The following SAMMSON variants were observed in gnomAD, a reference collection of about 807,000 sequenced individuals.
SAMMSON encodes survival associated mitochondrial melanoma specific oncogenic non-coding RNA, also known as long intergenic non-protein coding RNA 1212.
At position 70,408,957 on chromosome 3, in the gene SAMMSON, C is replaced by T. The variant is rs140864268; in HGVS notation, n.233+50633C>T. Among the ~76,000 whole-genome samples the T allele has an allele frequency of 3.7e-3, 562 of 152,276 alleles. 5 individuals are homozygous for T. The highest frequency in any genetic ancestry group is 0.024 in the Admixed American group (366 of 15,290). ...TAGCAGGAGGCAAAAGCACTTCTTA[C>T]ATGGTGGTGGCAAGAGAAAATGAGG... On this transcript the variant is annotated intron_variant and non_coding_transcript_variant, in intron 2 of 3. Coordinates refer to the SAMMSON transcript ENST00000641053.
At chr3:70,079,855 T>C (rs887921478) in intron 4 of SAMMSON, among the ~76,000 whole-genome samples, 1 of 152,148 alleles carries the variant, frequency 6.6e-6, no homozygotes, top group African/African-American at 2.4e-5. Context: ...TAACCATCAG[T>C]GCACCAAGCC....
At chr3:70,024,360 A>G (rs2067028803) in intron 3 of SAMMSON, among the ~76,000 whole-genome samples, 1 of 152,226 alleles carries the variant, frequency 6.6e-6, no homozygotes. Context: ...CATTAGGCAG[A>G]CATATAATTT....
intron 6 of SAMMSON, among the ~76,000 whole-genome samples, chr3:70,287,041 C>G (rs1173491150): frequency 6.8e-6 from 1 of 146,674 alleles, no homozygotes; most frequent in Admixed American, 6.8e-5. Context: ...TAATTGAATA[C>G]CCTTTATTTC....
chr3:70,408,874 A>G lies in SAMMSON; in HGVS notation n.233+50550A>G, dbSNP rs561977601. ...GAAAAAGACATACCTGAGACTAGGAAGAAAAGGTGGTTTAATTGGGCTTAC... is the reference window on the plus strand; with the variant it reads ...GAAAAAGACATACCTGAGACTAGGAGGAAAAGGTGGTTTAATTGGGCTTAC... On this transcript the variant is annotated intron_variant and non_coding_transcript_variant, in intron 2 of 3. Transcript: ENST00000641053. Among the ~76,000 whole-genome samples, 5 of 152,324 alleles carry G rather than the reference A, an allele frequency of 3.3e-5. No individual in the cohort carries two copies. In the East Asian group the frequency reaches 9.6e-4, roughly 29 times the overall value.
intron 6 of SAMMSON, chr3:70,271,749 G>C (rs1230376447): frequency 6.6e-6 from 1 of 152,132 alleles, no homozygotes; most frequent in Non-Finnish European, 1.5e-5. Context: ...AATTGCTATG[G>C]CTCACACTTA....
intron 3 of SAMMSON, among the ~76,000 whole-genome samples, chr3:70,033,924 C>T (rs903696955): frequency 1.3e-4 from 19 of 151,966 alleles, no homozygotes; most frequent in Admixed American, 9.8e-4. Context: ...GAATTGGGCA[C>T]GCAAAATCTG....
chr3:70,171,206 CT>C (rs1233281445), intron 4 of SAMMSON, among the ~76,000 whole-genome samples: 1 of 151,744 alleles, frequency 6.6e-6, no homozygotes, highest in African/African-American at 2.4e-5. Flanking sequence ...AAATTAAGAG[CT>C]CTCTTCTCTC....
Position 70,429,643 on chromosome 3 carries a change from TCAG to T in SAMMSON, n.234-32913_234-32911del, listed in dbSNP as rs1701397963. 2.6e-5 allele frequency among the ~76,000 whole-genome samples: 4 copies of T among 152,346 alleles called. No individual in the cohort carries two copies. The South Asian group carries it at 8.3e-4, about 32-fold the overall frequency. ...TTGTTTGTGTCCTCTCTTATTTCCT[TCAG>T]CAGTGGTTTGTAGTTCTCTTTGAAG... On this transcript the variant is annotated intron_variant and non_coding_transcript_variant, in intron 2 of 3. Transcript: ENST00000641053.
At chr3:70,227,741 A>G (rs1051019484) in intron 4 of SAMMSON, among the ~76,000 whole-genome samples, 8 of 152,176 alleles carry the variant, frequency 5.3e-5, no homozygotes. Flanking sequence ...AATTCTCCCA[A>G]TAACTCCGTG....
At chr3:70,241,391 T>G (rs1334644663) in intron 4 of SAMMSON, among the ~76,000 whole-genome samples, 1 of 152,194 alleles carries the variant, frequency 6.6e-6, no homozygotes, top group African/African-American at 2.4e-5. Context: ...TATTTTGAGA[T>G]GTTTTCACCA....
At chr3:70,278,001 A>G (rs1393623858) in intron 6 of SAMMSON, among the ~76,000 whole-genome samples, 2 of 152,114 alleles carry the variant, frequency 1.3e-5, no homozygotes, top group Non-Finnish European at 2.9e-5. Flanking sequence ...TTAAGTATAT[A>G]CATTGATCCG....
chr3:70,106,026 T>C (rs529065708), intron 4 of SAMMSON, among the ~76,000 whole-genome samples: 1 of 152,218 alleles, frequency 6.6e-6, no homozygotes, highest in African/African-American at 2.4e-5. Flanking sequence ...TTTCTGGAAG[T>C]CTGAGGGCAA....
chr3:70,267,268 A>G (rs1701924363), intron 6 of SAMMSON, among the ~76,000 whole-genome samples: 1 of 152,118 alleles, frequency 6.6e-6, no homozygotes, highest in Non-Finnish European at 1.5e-5. Context: ...TGATGGGTAA[A>G]TCTTAATATT....
At chr3:70,072,525 A>C (rs1283082521) in intron 4 of SAMMSON, 1 of 151,766 alleles carries the variant, frequency 6.6e-6, no homozygotes, top group Non-Finnish European at 1.5e-5. Flanking sequence ...AGAAAAAAAA[A>C]TCTCCTCCTG....
At chr3:70,283,335 T>C (rs1702107581) in intron 6 of SAMMSON, among the ~76,000 whole-genome samples, 1 of 152,038 alleles carries the variant, frequency 6.6e-6, no homozygotes, top group Non-Finnish European at 1.5e-5. Context: ...AAATGCTCAA[T>C]AGTGGCTGAA....
rs73836096 is a variant in SAMMSON, at chr3:70,080,797, T to A, written n.507+9232T>A. On this transcript the variant is annotated intron_variant and non_coding_transcript_variant, in intron 4 of 9. Coordinates refer to ENST00000642114, the Ensembl canonical transcript of SAMMSON. ...GAATAGATTGACAAATGTGGTAAAA[T>A]CAATATAACGATATTGCAAAAATGA... Among the ~76,000 whole-genome samples the A allele has an allele frequency of 2.5e-3, 386 of 152,006 alleles. 4 individuals are homozygous for A. The highest frequency in any genetic ancestry group is 8.5e-3 in the African/African-American group (354 of 41,486).
At chr3:70,253,938 C>T (rs762925367) in intron 6 of SAMMSON, among the ~76,000 whole-genome samples, 1 of 151,926 alleles carries the variant, frequency 6.6e-6, no homozygotes, top group Non-Finnish European at 1.5e-5. Flanking sequence ...AAACAAAGTC[C>T]AGAAGCTTTC....
intron 7 of SAMMSON, among the ~76,000 whole-genome samples, chr3:70,333,239 C>A (rs1185978107): frequency 6.6e-6 from 1 of 152,096 alleles, no homozygotes; most frequent in Non-Finnish European, 1.5e-5. Flanking sequence ...ATACTCATTT[C>A]CCATCCTCCT....
intron 4 of SAMMSON, among the ~76,000 whole-genome samples, chr3:70,142,472 T>C (rs766211344): frequency 6.6e-6 from 1 of 151,958 alleles, no homozygotes; most frequent in Non-Finnish European, 1.5e-5. Flanking sequence ...CACTCATAAG[T>C]GGGAGCTAGG....
Sources: gnomAD v4.1 joint callset for allele counts (sites outside exome capture counted in the v4.1 genomes callset) on GRCh38, gnomAD v4.1.1 for gene constraint, MANE v1.5 for transcripts, NCBI Gene and HGNC (gene_info 2026-07-23, HGNC 2026-07-21) for gene names.